PHLDB3: variants seen among roughly 807,000 people sequenced by gnomAD.
The protein encoded by PHLDB3 is pleckstrin homology like domain family B member 3, also known as pleckstrin homology-like domain family B member 3.
PHLDB3 carries 86 observed loss-of-function variants against 85.7 expected under a neutral mutation model. The observed-to-expected ratio is 1.00, with a 90% CI of 0.84 to 1.20. The LOEUF (loss-of-function observed/expected upper bound fraction) is 1.20. Among genes scored for constraint, PHLDB3 ranks in the 50% most tolerant of loss-of-function variants. The pLI is 0.00. For synonymous variants in PHLDB3, 376 were observed against 349.8 expected, an observed-to-expected ratio of 1.07 and a Z score of -0.83; for missense variants, 995 against 873.0, an observed-to-expected ratio of 1.14 and a Z score of -1.76.
chr19:43,495,395 C>T, intron 7 of PHLDB3, 56 bp from the exon 8 acceptor site: 1 of 1,600,680 alleles, frequency 6.2e-7, no homozygotes, highest in Non-Finnish European at 8.5e-7. Flanking sequence ...GTCCCAGCTG[C>T]TTTCCCTAAT....
At chr19:43,476,353 A>AACTCAGGCCGGCCGGGCTGGGTG (rs1468869752) in intron 15 of PHLDB3, among the ~76,000 whole-genome samples, 1 of 152,128 alleles carries the variant, frequency 6.6e-6, no homozygotes, top group African/African-American at 2.4e-5. Flanking sequence ...CACGTGAGAA[A>AACTCAGGCCGGCCGGGCTGGGTG]ACTCAGGCCG....
chr19:43,492,229 G>A (rs1971336639), intron 9 of PHLDB3, among the ~76,000 whole-genome samples: 1 of 151,800 alleles, frequency 6.6e-6, no homozygotes, highest in African/African-American at 2.4e-5. Context: ...GGGATTACAG[G>A]TGTGAGCCAC....
chr19:43,475,473 G>A lies in PHLDB3; in HGVS notation c.1860C>T (p.Pro620=). 2 of 1,613,388 alleles carry A rather than the reference G, an allele frequency of 1.2e-6. No individual in the cohort carries two copies. The highest frequency in any genetic ancestry group is 1.7e-6 in the Non-Finnish European group (2 of 1,179,596). ...CGTCCATCCAAATGCGCATGGCTTCGGGGCTCGGAGCCACCATGTAGAAAA... is the reference window on the plus strand; with the variant it reads ...CGTCCATCCAAATGCGCATGGCTTCAGGGCTCGGAGCCACCATGTAGAAAA... ...ERLFYMVAPS[P]EAMRIWMDVI... is the part of the protein sequence containing the mutation. Residue 620 remains proline (P), a synonymous_variant, in exon 16 of 16, where the codon CCC becomes CCT. Transcript: ENST00000292140.
chr19:43,501,525 G>T, intron 4 of PHLDB3: 1 of 923,804 alleles, frequency 1.1e-6, no homozygotes, highest in Non-Finnish European at 1.6e-6. Flanking sequence ...AATAGCAAAC[G>T]GACAGGGGAC....
intron 6 of PHLDB3, 183 bp downstream of exon 6, chr19:43,496,935 T>A: frequency 1.1e-6 from 1 of 919,726 alleles, no homozygotes; most frequent in Non-Finnish European, 1.4e-6. Context: ...AGTGAGGAAA[T>A]GCTCATGAAA....
chr19:43,475,536 GT>G lies in PHLDB3; in HGVS notation c.1796del (p.Asn599ThrfsTer4), dbSNP rs767623850. Reference protein sequence around the residue: ...DHLRCAFKSPNPRLTFCVKTY... With the variant: ...DHLRCAFKSPXPRLTFCVKTY... The stretch of plus-strand genomic sequence containing the variant: ...TTTTGACGCAGAAGGTCAGGCGGGG[GT>G]TGGGGCTCTGGAATAAGCAGAAAGT... On this transcript the variant is annotated frameshift_variant, in exon 16 of 16. Transcript: ENST00000292140. LOFTEE classifies it high-confidence loss of function. 96 of 1,613,814 alleles carry G rather than the reference GT, an allele frequency of 5.9e-5. No homozygotes were observed. The highest frequency in any genetic ancestry group is 7.5e-5 in the Non-Finnish European group (88 of 1,179,880).
chr19:43,504,637 C>A lies in PHLDB3; in HGVS notation c.-63G>T, dbSNP rs1289318049. Reference sequence around the variant, plus strand: ...CTCCTTCTCTGAACAAGCCAGGAGTCGGAGTCCTTGAGATTCCGAAGTCCA... The same window carrying A: ...CTCCTTCTCTGAACAAGCCAGGAGTAGGAGTCCTTGAGATTCCGAAGTCCA... On this transcript the variant is annotated 5_prime_UTR_variant, in exon 1 of 16. Transcript: ENST00000292140. 1 of 154,896 alleles carries A rather than the reference C, an allele frequency of 6.5e-6. No homozygotes were observed. Among genetic ancestry groups the A allele is most frequent in the African/African-American group, 2.4e-5 (1 of 41,548 alleles). The allele number at this position is 154,896 out of a possible 1,614,324, so 9.6% of individuals were successfully genotyped here. A position where few individuals can be genotyped will look rare whatever the true frequency, so the allele number is the denominator to read the frequency against.
chr19:43,477,951 C>A, intron 15 of PHLDB3, 96 bp downstream of exon 15: 1 of 872,858 alleles, frequency 1.1e-6, no homozygotes, highest in South Asian at 1.7e-5. Context: ...GGAGAAGCTG[C>A]GGGTGGCTTT....
chr19:43,499,209 C>T lies in PHLDB3; in HGVS notation c.535-1333G>A, dbSNP rs149016094. 8.0e-4 allele frequency among the ~76,000 whole-genome samples: 122 copies of T among 152,012 alleles called. 1 individual carries two copies. In the East Asian group the frequency reaches 0.018, roughly 22 times the overall value. The stretch of plus-strand genomic sequence containing the variant: ...AGAAAGGATAGGACATGGTGGTTGA[C>T]GGGCTTGGAGGTGAGAGACAGGGAA... On this transcript the variant is annotated intron_variant, in intron 4 of 15. Transcript: ENST00000292140.
In PHLDB3 at chr19:43,486,318, C is replaced by A; in HGVS notation, c.1433G>T (p.Gly478Val). Residue 478 changes from glycine to valine, a missense_variant, in exon 13 of 16, where the codon GGA (glycine) becomes GTA (valine). Coordinates refer to ENST00000292140, the MANE Select transcript of PHLDB3 (RefSeq NM_198850.4). ...ERERLLKARE[G>V]TRRGTEGSSG... Reference sequence around the variant, plus strand: ...GGAACCTTCCGTGCCCCTTCTTGTTCCTTCCTGTGGATTCAGGATGAAGCA... The same window carrying A: ...GGAACCTTCCGTGCCCCTTCTTGTTACTTCCTGTGGATTCAGGATGAAGCA... The A allele has an allele frequency of 6.2e-7, 1 of 1,605,648 alleles. No individual in the cohort carries two copies. The highest frequency in any genetic ancestry group is 1.7e-5 in the Admixed American group (1 of 58,470).
chr19:43,497,896 C>T lies in PHLDB3; in HGVS notation c.535-20G>A. On this transcript the variant is annotated intron_variant, in intron 4 of 15. Coordinates refer to ENST00000292140, the MANE Select transcript of PHLDB3 (RefSeq NM_198850.4). ...CTGTTCCTGAAAGAACAACAAGGTT[C>T]TCACCCTCAGCTTAAGCATAGCGGG... The T allele has an allele frequency of 6.3e-7, 1 of 1,587,110 alleles. No homozygotes were observed. The highest frequency in any genetic ancestry group is 8.6e-7 in the Non-Finnish European group (1 of 1,167,610).
chr19:43,487,591 A>AAAC lies in PHLDB3; in HGVS notation c.1150-469_1150-468insGTT, dbSNP rs1167897767. Among the ~76,000 whole-genome samples the AAAC allele has an allele frequency of 6.0e-5, 7 of 115,770 alleles. 1 individual carries two copies. The East Asian group carries it at 7.3e-4, about 12-fold the overall frequency. 75.9% of individuals were successfully genotyped at this position (115,770 alleles called of 152,430 possible). The stretch of plus-strand genomic sequence containing the variant: ...CTCTGTCTCAAAAAAAAAAAAAAAA[A>AAAC]ACACAGAAAAGAAAAAAAGAAATGT... On this transcript the variant is annotated intron_variant, in intron 9 of 15. Coordinates refer to ENST00000292140, the MANE Select transcript of PHLDB3 (RefSeq NM_198850.4).
At chr19:43,503,540 C>T (rs1599968426) in intron 2 of PHLDB3, among the ~76,000 whole-genome samples, 1 of 152,094 alleles carries the variant, frequency 6.6e-6, no homozygotes, top group African/African-American at 2.4e-5. Flanking sequence ...AACTCCTGGG[C>T]TTAAGCAATC....
intron 9 of PHLDB3, among the ~76,000 whole-genome samples, chr19:43,494,245 G>A (rs1175193273): frequency 6.6e-6 from 1 of 152,026 alleles, no homozygotes; most frequent in Non-Finnish European, 1.5e-5. Flanking sequence ...CCTGACCTCA[G>A]GTCATCCGCT....
intron 9 of PHLDB3, among the ~76,000 whole-genome samples, chr19:43,489,692 T>G (rs1253387567): frequency 5.3e-5 from 8 of 152,106 alleles, no homozygotes; most frequent in Admixed American, 4.6e-4. Flanking sequence ...TTGTTTTTTT[T>G]TGTGAATTTT....
At chr19:43,504,362 T>C in intron 1 of PHLDB3, 1 of 580,016 alleles carries the variant, frequency 1.7e-6, no homozygotes, top group South Asian at 2.1e-5. Flanking sequence ...GTCCGGGTCG[T>C]AGCACGCCCC....
chr19:43,495,116 G>A (rs916814292), intron 8 of PHLDB3, 140 bp downstream of exon 8: 1 of 516,918 alleles, frequency 1.9e-6, no homozygotes, highest in Non-Finnish European at 3.1e-6. Context: ...TCTGAGGGAG[G>A]AGGGGCTGGG....
chr19:43,485,553 G>A (rs1277317339), intron 13 of PHLDB3, among the ~76,000 whole-genome samples: 1 of 149,328 alleles, frequency 6.7e-6, no homozygotes, highest in Non-Finnish European at 1.5e-5. Context: ...CAGTTTTTTG[G>A]TTTTGATTTT....
chr19:43,499,651 C>G (rs1971542587), intron 4 of PHLDB3, among the ~76,000 whole-genome samples: 1 of 152,112 alleles, frequency 6.6e-6, no homozygotes, highest in Non-Finnish European at 1.5e-5. Context: ...AAAAAACTGA[C>G]AAAATCACAA....
Sources: gnomAD v4.1 joint callset for allele counts (sites outside exome capture counted in the v4.1 genomes callset) on GRCh38, gnomAD v4.1.1 for gene constraint, MANE v1.5 for transcripts, NCBI Gene and HGNC (gene_info 2026-07-23, HGNC 2026-07-21) for gene names.